The following SLC10A7 variants were observed in gnomAD, a reference collection of about 807,000 sequenced individuals.
The protein encoded by SLC10A7 is solute carrier family 10 member 7.
Under a neutral mutation model 43.2 loss-of-function variants are expected in SLC10A7, and 29 were observed. The ratio of observed to expected loss-of-function variants is 0.67; its 90% confidence interval spans 0.50 to 0.92. The LOEUF is 0.92. Among genes scored for constraint, SLC10A7 ranks in the 40% least tolerant of loss-of-function variants. The pLI is 0.00. For missense variants in SLC10A7, 295 were observed against 403.2 expected, an observed-to-expected ratio of 0.73 and a Z score of 2.30; for synonymous variants, 152 against 144.8, an observed-to-expected ratio of 1.05 and a Z score of -0.35.
intron 1 of SLC10A7, among the ~76,000 whole-genome samples, chr4:146,521,359 ACC>A (rs1307446000): frequency 6.6e-6 from 1 of 151,940 alleles, no homozygotes; most frequent in Non-Finnish European, 1.5e-5. Context: ...ATTCTCTGTA[ACC>A]TCACTTCTTG....
chr4:146,462,015 CATGTAA>C (rs1386109828), intron 4 of SLC10A7, among the ~76,000 whole-genome samples: 1 of 151,808 alleles, frequency 6.6e-6, no homozygotes, highest in East Asian at 1.9e-4. Flanking sequence ...GAATAGTTCT[CATGTAA>C]ATTTTGTGAA....
chr4:146,296,287 T>C (rs920474352), intron 7 of SLC10A7, among the ~76,000 whole-genome samples: 3 of 152,178 alleles, frequency 2.0e-5, no homozygotes. Flanking sequence ...TTATTTTTAT[T>C]GCATTGTTAT....
chr4:146,520,953 GC>G (rs1302806567), intron 1 of SLC10A7, among the ~76,000 whole-genome samples: 2 of 151,916 alleles, frequency 1.3e-5, no homozygotes, highest in Non-Finnish European at 2.9e-5. Flanking sequence ...ACATTTCCTT[GC>G]CAAAACACAC....
chr4:146,381,957 T>C (rs940596672), intron 5 of SLC10A7, among the ~76,000 whole-genome samples: 1 of 151,994 alleles, frequency 6.6e-6, no homozygotes, highest in African/African-American at 2.4e-5. Context: ...CAATAGTTTA[T>C]AGAAGACTAC....
At chr4:146,280,235 T>C (rs891750150) in intron 10 of SLC10A7, among the ~76,000 whole-genome samples, 2 of 152,178 alleles carry the variant, frequency 1.3e-5, no homozygotes, top group Non-Finnish European at 2.9e-5. Flanking sequence ...TGACTGCAAA[T>C]GGAAAGATGC....
intron 1 of SLC10A7, among the ~76,000 whole-genome samples, chr4:146,518,653 T>A (rs950611452): frequency 1.3e-5 from 2 of 152,106 alleles, no homozygotes; most frequent in Admixed American, 6.6e-5. Flanking sequence ...GAGGTCTTAT[T>A]GGATTAGGAG....
chr4:146,507,275 T>C (rs1737000289), intron 3 of SLC10A7, among the ~76,000 whole-genome samples: 1 of 152,160 alleles, frequency 6.6e-6, no homozygotes, highest in African/African-American at 2.4e-5. Flanking sequence ...CAAAAATCAA[T>C]CTGTGGCTGG....
chr4:146,254,995 T>C lies in SLC10A7; in HGVS notation c.*1496A>G, dbSNP rs1411167588. On this transcript the variant is annotated 3_prime_UTR_variant, in exon 12 of 12. Transcript: ENST00000335472. ...ATGAGACCTGGTAGTAACAATAATA[T>C]AAATTTACACAGTAGATAAACTTGG... The C allele has an allele frequency of 6.6e-6, 1 of 152,196 alleles. No homozygotes were observed. Among genetic ancestry groups the C allele is most frequent in the African/African-American group, 2.4e-5 (1 of 41,448 alleles). The allele number at this position is 152,196 out of a possible 1,614,324, so 9.4% of individuals were successfully genotyped here. A position where few individuals can be genotyped will look rare whatever the true frequency, so the allele number is the denominator to read the frequency against.
intron 5 of SLC10A7, among the ~76,000 whole-genome samples, chr4:146,346,428 A>G (rs1284670625): frequency 6.6e-6 from 1 of 152,154 alleles, no homozygotes; most frequent in African/African-American, 2.4e-5. Flanking sequence ...CCTCTTCTGG[A>G]TATCTAGAAC....
chr4:146,449,212 G>T (rs555242769), intron 4 of SLC10A7, among the ~76,000 whole-genome samples: 1 of 152,262 alleles, frequency 6.6e-6, no homozygotes, highest in Admixed American at 6.5e-5. Flanking sequence ...AAGTGAACCA[G>T]AAATAAATAC....
At chr4:146,356,292 A>G (rs548968456) in intron 5 of SLC10A7, among the ~76,000 whole-genome samples, 49 of 152,210 alleles carry the variant, frequency 3.2e-4, no homozygotes, top group African/African-American at 1.1e-3. Flanking sequence ...CCTGTTTACT[A>G]TGTGAAAGGT....
At chr4:146,465,784 T>C (rs1732972486) in intron 4 of SLC10A7, among the ~76,000 whole-genome samples, 1 of 152,176 alleles carries the variant, frequency 6.6e-6, no homozygotes, top group East Asian at 1.9e-4. Context: ...TCTGCAGTTC[T>C]TAAAGATCGC....
chr4:146,378,864 T>C (rs1271019527), intron 5 of SLC10A7, among the ~76,000 whole-genome samples: 3 of 152,010 alleles, frequency 2.0e-5, no homozygotes, highest in Admixed American at 6.6e-5. Flanking sequence ...CAAAGCCCAA[T>C]GGGAAGGCTG....
At chr4:146,312,603 G>A (rs951453658) in intron 6 of SLC10A7, among the ~76,000 whole-genome samples, 2 of 152,014 alleles carry the variant, frequency 1.3e-5, no homozygotes, top group Admixed American at 6.6e-5. Context: ...CTGGCTCCTG[G>A]TAACCTCCCT....
In SLC10A7 at chr4:146,419,755, G is replaced by A. The variant is rs536934250; in HGVS notation, c.435+23028C>T. 3.9e-5 allele frequency among the ~76,000 whole-genome samples: 6 copies of A among 152,082 alleles called. No homozygotes were observed. In the South Asian group the frequency reaches 1.0e-3, roughly 26 times the overall value. On this transcript the variant is annotated intron_variant, in intron 5 of 11. Coordinates refer to ENST00000335472, the MANE Select transcript of SLC10A7 (RefSeq NM_001029998.6). ...GGAGGCTGAGGCACGAGAATCGCTT[G>A]AGCCCAGGAGGCAGAGGTTATAGTG...
chr4:146,284,787 C>T (rs1218817028), intron 9 of SLC10A7, among the ~76,000 whole-genome samples: 1 of 152,006 alleles, frequency 6.6e-6, no homozygotes, highest in Non-Finnish European at 1.5e-5. Context: ...TTTCTTCATC[C>T]CTTTATTCCT....
intron 5 of SLC10A7, among the ~76,000 whole-genome samples, chr4:146,360,814 T>A (rs974719815): frequency 6.6e-6 from 1 of 152,088 alleles, no homozygotes; most frequent in Non-Finnish European, 1.5e-5. Context: ...CTTTCCCAAG[T>A]TCGTTTAGCA....
At chr4:146,498,982 C>A (rs1218811083) in intron 4 of SLC10A7, among the ~76,000 whole-genome samples, 1 of 152,014 alleles carries the variant, frequency 6.6e-6, no homozygotes, top group African/African-American at 2.4e-5. Flanking sequence ...AACAACTTTG[C>A]AAAATGAAAA....
chr4:146,475,364 G>A (rs1031883695), intron 4 of SLC10A7, among the ~76,000 whole-genome samples: 4 of 151,710 alleles, frequency 2.6e-5, no homozygotes, highest in African/African-American at 4.8e-5. Context: ...CACTTAAAAC[G>A]TTTCCTGTCA....
Sources: allele counts gnomAD v4.1 joint callset (sites outside exome capture counted in the v4.1 genomes callset), GRCh38; gene constraint gnomAD v4.1.1; transcripts MANE v1.5; gene names NCBI Gene and HGNC (gene_info 2026-07-23, HGNC 2026-07-21).